The following RANBP2 variants were observed in gnomAD, a reference collection of about 807,000 sequenced individuals.
RANBP2 encodes the protein E3 SUMO-protein ligase RanBP2.
RANBP2 carries 57 observed loss-of-function variants against 303.6 expected under a neutral mutation model. The ratio of observed to expected loss-of-function variants is 0.19; its 90% CI spans 0.15 to 0.23. The LOEUF (loss-of-function observed/expected upper bound fraction) is 0.23, where lower values mean the gene tolerates loss of function less well. Among genes scored for constraint, RANBP2 ranks in the 10% least tolerant of loss-of-function variants. The pLI, the probability that RANBP2 is intolerant of heterozygous loss-of-function variation, is 1.00. For missense variants in RANBP2, 3,138 were observed against 3,780.8 expected (o/e 0.83, Z 4.46); for synonymous variants, 1,167 against 1,301.5 (o/e 0.90, Z 2.23).
At chr2:109,710,381 C>CAAA in the RANBP2 span, among the ~76,000 whole-genome samples, 27,456 of 144,386 alleles carry the variant, frequency 0.19, 2,824 homozygotes, top group East Asian at 0.3. Context: ...GATTCTATCT[C>CAAA]AAAAAAAAAA....
intron 20 of RANBP2, among the ~76,000 whole-genome samples, chr2:108,768,638 C>T (rs1677282679): frequency 6.6e-6 from 1 of 152,250 alleles, no homozygotes; most frequent in South Asian, 2.1e-4. Flanking sequence ...CAAAAGAACT[C>T]GGTACGGTAT....
the RANBP2 span, among the ~76,000 whole-genome samples, chr2:109,034,007 A>T: frequency 6.6e-6 from 1 of 151,498 alleles, no homozygotes; most frequent in African/African-American, 2.4e-5. Flanking sequence ...TGACGCCTGT[A>T]ATCCCAGCAC....
the RANBP2 span, among the ~76,000 whole-genome samples, chr2:109,666,704 T>C: frequency 6.6e-6 from 1 of 152,162 alleles, no homozygotes; most frequent in Non-Finnish European, 1.5e-5. Context: ...GAGGAAAAAC[T>C]ATGTCCTTAA....
Position 108,765,358 on chromosome 2 carries a change from G to C in RANBP2, c.4819G>C (p.Glu1607Gln), listed in dbSNP as rs1484592979. The change falls in exon 20 of 29, where the codon GAG (glutamate) becomes CAG (glutamine). Residue 1607 changes from glutamate (E) to glutamine (Q), a missense_variant. Glu to Gln is a conservative substitution (Grantham distance 29). Transcript: ENST00000283195. ...ATTTGAGGGAATGTTCACTAAGAAG[G>C]AGGGACAGTGGGATTGCAGTGTGTG... ...SGFEGMFTKK[E>Q]GQWDCSVCLV... 1.9e-6 allele frequency: 3 copies of C among 1,558,788 alleles called. No individual in the cohort carries two copies. The South Asian group carries it at 3.3e-5, about 17-fold the overall frequency.
chr2:109,649,779 G>A, the RANBP2 span, among the ~76,000 whole-genome samples: 1 of 152,158 alleles, frequency 6.6e-6, no homozygotes, highest in East Asian at 1.9e-4. Context: ...TCTTGAGAAA[G>A]TTTCAAGTTT....
chr2:109,419,271 C>T, the RANBP2 span, among the ~76,000 whole-genome samples: 1 of 152,186 alleles, frequency 6.6e-6, no homozygotes, highest in Non-Finnish European at 1.5e-5. Flanking sequence ...GGCCTGACTA[C>T]AGTGTGATGC....
At chr2:109,652,010 CAG>C in the RANBP2 span, among the ~76,000 whole-genome samples, 1 of 152,216 alleles carries the variant, frequency 6.6e-6, no homozygotes, top group East Asian at 1.9e-4. Context: ...CCTGCAGTGA[CAG>C]GGGCCAATGC....
intron 20 of RANBP2, among the ~76,000 whole-genome samples, chr2:108,770,074 G>C (rs771550705): frequency 8.5e-5 from 13 of 152,128 alleles, no homozygotes; most frequent in Non-Finnish European, 2.9e-5. Context: ...ATGTATACTT[G>C]CGTACAGTTT....
At chr2:109,015,807 C>T in the RANBP2 span, among the ~76,000 whole-genome samples, 1 of 152,072 alleles carries the variant, frequency 6.6e-6, no homozygotes, top group African/African-American at 2.4e-5. Context: ...GTATATAATA[C>T]ATATAACATA....
At chr2:109,657,001 C>T in the RANBP2 span, among the ~76,000 whole-genome samples, 3 of 151,980 alleles carry the variant, frequency 2.0e-5, no homozygotes, top group Non-Finnish European at 4.4e-5. Flanking sequence ...ATATTCTGGC[C>T]CATTATTTCA....
chr2:108,755,324 A>T (rs1676221900), intron 17 of RANBP2, 65 bp downstream of exon 17: 9 of 1,607,188 alleles, frequency 5.6e-6, no homozygotes, highest in African/African-American at 1.3e-5. Context: ...CCACTCTCTC[A>T]CTTTTTTTCT....
the RANBP2 span, among the ~76,000 whole-genome samples, chr2:109,224,206 G>A: frequency 6.6e-6 from 1 of 152,162 alleles, no homozygotes; most frequent in Non-Finnish European, 1.5e-5. Flanking sequence ...TGGGCATTGG[G>A]AGTTTAAACT....
At chr2:109,258,923 G>C in the RANBP2 span, among the ~76,000 whole-genome samples, 1 of 152,192 alleles carries the variant, frequency 6.6e-6, no homozygotes, top group African/African-American at 2.4e-5. Context: ...GCTGCAGAGA[G>C]ACCCTCTCTG....
chr2:109,502,935 C>T, the RANBP2 span: 1 of 152,210 alleles, frequency 6.6e-6, no homozygotes, highest in Non-Finnish European at 1.5e-5. Flanking sequence ...AAACCTTCAT[C>T]TGCTGGAGAC....
the RANBP2 span, chr2:109,605,721 T>C: frequency 1.3e-5 from 2 of 152,152 alleles, no homozygotes; most frequent in African/African-American, 4.8e-5. Context: ...TATAATGCTG[T>C]ATTAGGTTCT....
the RANBP2 span, among the ~76,000 whole-genome samples, chr2:108,843,888 T>TTC: frequency 7.2e-4 from 81 of 113,162 alleles, no homozygotes; most frequent in African/African-American, 2.4e-3. Context: ...GTTTCTTTCT[T>TTC]TTTTTTTTTT....
chr2:109,043,243 AATTTTG>A, the RANBP2 span, among the ~76,000 whole-genome samples: 4 of 152,220 alleles, frequency 2.6e-5, no homozygotes, highest in African/African-American at 9.7e-5. Context: ...TTTGTACGTA[AATTTTG>A]ATTTCTTCAT....
chr2:108,997,718 C>T, the RANBP2 span, among the ~76,000 whole-genome samples: 5 of 151,842 alleles, frequency 3.3e-5, no homozygotes, highest in Admixed American at 6.6e-5. Context: ...GGTGAAGTCC[C>T]GTCTCTACTA....
chr2:108,987,776 T>C, the RANBP2 span, among the ~76,000 whole-genome samples: 2 of 152,196 alleles, frequency 1.3e-5, no homozygotes, highest in Non-Finnish European at 2.9e-5. Context: ...ACGTGGACTG[T>C]CATCGGAACG....
Sources: gnomAD v4.1 joint callset for allele counts (sites outside exome capture counted in the v4.1 genomes callset) on GRCh38, gnomAD v4.1.1 for gene constraint, MANE v1.5 for transcripts, NCBI Gene and HGNC (gene_info 2026-07-23, HGNC 2026-07-21) for gene names.